ASIC2: variants seen among roughly 807,000 people sequenced by gnomAD.
The protein encoded by ASIC2 is acid-sensing ion channel 2.
A neutral mutation model predicts 57.3 loss-of-function variants in ASIC2; 25 were observed. The ratio of observed to expected loss-of-function variants is 0.44; its 90% CI spans 0.32 to 0.61. The LOEUF (loss-of-function observed/expected upper bound fraction) is 0.61. ASIC2 is among the 20% of genes least tolerant of loss of function. The pLI is 0.06. For missense variants in ASIC2, 641 were observed against 738.1 expected (o/e 0.87, Z 1.52); for synonymous variants, 319 against 307.5 (o/e 1.04, Z -0.39).
At chr17:33,842,905 G>A (rs1325871199) in intron 1 of ASIC2, among the ~76,000 whole-genome samples, 2 of 152,188 alleles carry the variant, frequency 1.3e-5, no homozygotes, top group African/African-American at 4.8e-5. Flanking sequence ...AGCCAGGATG[G>A]ATGAGTGGAA....
At chr17:33,933,252 A>C (rs1597936704) in intron 1 of ASIC2, among the ~76,000 whole-genome samples, 1 of 152,138 alleles carries the variant, frequency 6.6e-6, no homozygotes, top group East Asian at 1.9e-4. Context: ...CACTTCCTCA[A>C]TCCCAGTCAG....
intron 1 of ASIC2, among the ~76,000 whole-genome samples, chr17:33,454,196 T>C (rs372533560): frequency 3.9e-5 from 6 of 152,354 alleles, no homozygotes; most frequent in African/African-American, 1.4e-4. Flanking sequence ...CATCCAGTCT[T>C]ACACAGTGGT....
chr17:33,497,042 A>G (rs1043674720), intron 1 of ASIC2, among the ~76,000 whole-genome samples: 3 of 152,198 alleles, frequency 2.0e-5, no homozygotes, highest in Admixed American at 6.5e-5. Flanking sequence ...GTGGATGCTC[A>G]GTGAACACAT....
intron 1 of ASIC2, among the ~76,000 whole-genome samples, chr17:33,801,695 T>G (rs1912137323): frequency 6.6e-6 from 1 of 152,232 alleles, no homozygotes; most frequent in African/African-American, 2.4e-5. Flanking sequence ...CAGTTGCTCT[T>G]CTGTTGTTAT....
chr17:33,027,777 T>C (rs1210701188), intron 4 of ASIC2, among the ~76,000 whole-genome samples: 4 of 152,260 alleles, frequency 2.6e-5, no homozygotes, highest in African/African-American at 9.6e-5. Context: ...ATTGTTAGTC[T>C]GACAACAGAG....
chr17:34,014,788 C>T (rs942349586), intron 1 of ASIC2, among the ~76,000 whole-genome samples: 2 of 152,150 alleles, frequency 1.3e-5, no homozygotes, highest in South Asian at 4.1e-4. Context: ...TTAATGGGAA[C>T]GATGCATATA....
chr17:33,184,975 C>T (rs1567776926), intron 1 of ASIC2, among the ~76,000 whole-genome samples: 1 of 152,258 alleles, frequency 6.6e-6, no homozygotes, highest in East Asian at 1.9e-4. Flanking sequence ...GTAATCAACC[C>T]TATCACTCCT....
intron 1 of ASIC2, among the ~76,000 whole-genome samples, chr17:34,091,880 T>TG (rs1377510524): frequency 6.6e-6 from 1 of 152,200 alleles, no homozygotes; most frequent in Non-Finnish European, 1.5e-5. Context: ...TACATGACCT[T>TG]GAGCAAGGTA....
chr17:34,065,629 A>G (rs538239796), intron 1 of ASIC2, among the ~76,000 whole-genome samples: 12 of 152,336 alleles, frequency 7.9e-5, no homozygotes, highest in Non-Finnish European at 1.6e-4. Flanking sequence ...TTGTTATTAC[A>G]GGCTGCTTTC....
intron 1 of ASIC2, among the ~76,000 whole-genome samples, chr17:33,490,369 A>C (rs1482227551): frequency 1.3e-5 from 2 of 152,234 alleles, no homozygotes; most frequent in East Asian, 3.8e-4. Flanking sequence ...ATCACTTTCC[A>C]TGTGGTCAGA....
chr17:34,000,268 T>TTTTTTTA (rs1280261405), intron 1 of ASIC2, among the ~76,000 whole-genome samples: 9 of 150,184 alleles, frequency 6.0e-5, no homozygotes, highest in East Asian at 2.0e-4. Flanking sequence ...TTTTTTTTTT[T>TTTTTTTA]GAGACAGAGT....
At chr17:33,202,017 C>CAAAA (rs55724157) in intron 1 of ASIC2, among the ~76,000 whole-genome samples, 4 of 92,278 alleles carry the variant, frequency 4.3e-5, no homozygotes, top group Non-Finnish European at 6.7e-5. Context: ...GAGACTGTCT[C>CAAAA]AAAAAAAAAA....
At chr17:33,373,352 C>A (rs1312301382) in intron 1 of ASIC2, among the ~76,000 whole-genome samples, 3 of 152,254 alleles carry the variant, frequency 2.0e-5, no homozygotes, top group Non-Finnish European at 4.4e-5. Flanking sequence ...CTTGGTCATT[C>A]CTGGGCATAG....
At chr17:33,840,235 C>T (rs1913393183) in intron 1 of ASIC2, among the ~76,000 whole-genome samples, 1 of 152,108 alleles carries the variant, frequency 6.6e-6, no homozygotes, top group African/African-American at 2.4e-5. Context: ...GTCCTTATTA[C>T]AGTGTGGTGG....
intron 1 of ASIC2, among the ~76,000 whole-genome samples, chr17:33,937,262 C>T (rs1455675473): frequency 6.6e-6 from 1 of 152,152 alleles, no homozygotes; most frequent in Non-Finnish European, 1.5e-5. Flanking sequence ...CCACCACACC[C>T]AGCTAATTTT....
chr17:33,025,181 C>G (rs181876642), intron 5 of ASIC2, among the ~76,000 whole-genome samples: 159 of 152,282 alleles, frequency 1.0e-3, no homozygotes, highest in African/African-American at 3.6e-3. Flanking sequence ...AACTTGAGGG[C>G]ACATTGTTTA....
At chr17:34,095,131 A>G (rs1234667421) in intron 1 of ASIC2, among the ~76,000 whole-genome samples, 3 of 152,180 alleles carry the variant, frequency 2.0e-5, no homozygotes, top group African/African-American at 4.8e-5. Flanking sequence ...TTCTAGTCCT[A>G]TTGTTCTCTG....
chr17:34,114,828 G>A (rs550369200), intron 1 of ASIC2, among the ~76,000 whole-genome samples: 2 of 152,302 alleles, frequency 1.3e-5, no homozygotes, highest in South Asian at 2.1e-4. Flanking sequence ...AGAGGAGGCA[G>A]ACATAAGGTC....
At chr17:33,078,574 C>T (rs2092099088) in intron 3 of ASIC2, among the ~76,000 whole-genome samples, 1 of 152,192 alleles carries the variant, frequency 6.6e-6, no homozygotes, top group South Asian at 2.1e-4. Context: ...ATACTGGGGG[C>T]ATGCTACCAG....
Sources: gnomAD v4.1 joint callset for allele counts (sites outside exome capture counted in the v4.1 genomes callset) on GRCh38, gnomAD v4.1.1 for gene constraint, MANE v1.5 for transcripts, NCBI Gene and HGNC (gene_info 2026-07-23, HGNC 2026-07-21) for gene names.